The following RALGAPA1 variants were observed in gnomAD, a reference collection of about 807,000 sequenced individuals.
RALGAPA1 encodes ral GTPase-activating protein subunit alpha-1.
RALGAPA1 carries 52 observed loss-of-function variants against 269.6 expected under a neutral mutation model. That is an observed-to-expected ratio of 0.19 (90% CI 0.15 to 0.24). The LOEUF (loss-of-function observed/expected upper bound fraction) is 0.24, where lower values mean the gene tolerates loss of function less well. Ranked by LOEUF, RALGAPA1 falls within the 10% of genes least tolerant of loss-of-function variation. The pLI is 1.00. For missense variants in RALGAPA1, 1,917 were observed against 3,013.9 expected (o/e 0.64, Z 8.52); for synonymous variants, 817 against 1,008.3 (o/e 0.81, Z 3.60).
At chr14:35,705,022 G>A (rs2067678770) in intron 16 of RALGAPA1, among the ~76,000 whole-genome samples, 1 of 152,016 alleles carries the variant, frequency 6.6e-6, no homozygotes, top group Non-Finnish European at 1.5e-5. Flanking sequence ...TTTCAAAACA[G>A]TTTTAGGTTT....
Position 35,748,596 on chromosome 14 carries a change from T to G in RALGAPA1, c.1240A>C (p.Ile414Leu). The change falls in exon 10 of 42, where the codon ATA becomes CTA. Residue 414 changes from isoleucine (I) to leucine (L), a missense_variant. Physicochemically the swap from Ile to Leu is conservative, Grantham distance 5 (BLOSUM62 2). This residue lies in a region of RALGAPA1 where 462 missense variants were observed against 725.6 expected (regional missense o/e 0.64). Coordinates refer to ENST00000680220, the MANE Select transcript of RALGAPA1 (RefSeq NM_001346249.2). ...KRSNVNFVTE[I>L]FRQAFLLPIC... ...GAGAGGTATGTTACCTGACGAAATA[T>G]CTCTGTCACAAAGTTTACATTACTC... 6.2e-7 allele frequency: 1 copy of G among 1,607,370 alleles called. No homozygotes were observed. The highest frequency in any genetic ancestry group is 1.1e-5 in the South Asian group (1 of 90,014).
chr14:35,692,810 T>C (rs534434186), intron 17 of RALGAPA1, among the ~76,000 whole-genome samples: 16 of 152,064 alleles, frequency 1.1e-4, no homozygotes, highest in African/African-American at 3.8e-4. Flanking sequence ...TTGAGCATAA[T>C]TGACTCTAAT....
At chr14:35,633,197 T>C (rs954489176) in intron 33 of RALGAPA1, among the ~76,000 whole-genome samples, 1 of 152,192 alleles carries the variant, frequency 6.6e-6, no homozygotes, top group Non-Finnish European at 1.5e-5. Context: ...CATACTATAT[T>C]GTCTTGAATA....
intron 39 of RALGAPA1, among the ~76,000 whole-genome samples, chr14:35,557,383 TAATTA>T (rs1170287749): frequency 6.6e-6 from 1 of 151,938 alleles, no homozygotes; most frequent in Non-Finnish European, 1.5e-5. Context: ...TGCACTAATT[TAATTA>T]AGATTTTATT....
chr14:35,675,425 C>T (rs2064856061), intron 22 of RALGAPA1, among the ~76,000 whole-genome samples: 1 of 152,228 alleles, frequency 6.6e-6, no homozygotes, highest in South Asian at 2.1e-4. Flanking sequence ...ATCCGCCCAC[C>T]TTGGCCTCCC....
At chr14:35,570,541 A>T (rs1278408414) in intron 39 of RALGAPA1, 76 bp downstream of exon 39, 1 of 1,193,952 alleles carries the variant, frequency 8.4e-7, no homozygotes, top group Non-Finnish European at 1.1e-6. Flanking sequence ...AAAGGCTTTA[A>T]CAATATATAA....
intron 28 of RALGAPA1, among the ~76,000 whole-genome samples, chr14:35,658,819 G>A (rs1181871123): frequency 6.6e-6 from 1 of 151,320 alleles, no homozygotes; most frequent in African/African-American, 2.4e-5. Context: ...TGCATTTCAA[G>A]GTACTGCATA....
chr14:35,584,047 G>C (rs1332037724), intron 37 of RALGAPA1, among the ~76,000 whole-genome samples: 3 of 152,028 alleles, frequency 2.0e-5, no homozygotes, highest in African/African-American at 7.3e-5. Context: ...ATAAGTGAGG[G>C]TAAATTAAAA....
chr14:35,634,444 C>T (rs1424670579), intron 33 of RALGAPA1, 130 bp downstream of exon 33: 2 of 535,104 alleles, frequency 3.7e-6, no homozygotes, highest in Non-Finnish European at 6.1e-6. Context: ...TGAACTTGTG[C>T]TATACATACA....
chr14:35,758,391 A>G (rs1161846741), intron 6 of RALGAPA1, among the ~76,000 whole-genome samples: 2 of 151,822 alleles, frequency 1.3e-5, no homozygotes, highest in Non-Finnish European at 1.5e-5. Flanking sequence ...AGCTATAAAA[A>G]CCCCCTTAAA....
intron 39 of RALGAPA1, among the ~76,000 whole-genome samples, chr14:35,558,603 A>T (rs757390060): frequency 2.0e-5 from 3 of 152,206 alleles, no homozygotes; most frequent in African/African-American, 7.2e-5. Flanking sequence ...TAGTAGTTAC[A>T]TGCTAAATAA....
chr14:35,636,668 G>A (rs1244025435), intron 31 of RALGAPA1, among the ~76,000 whole-genome samples: 2 of 152,096 alleles, frequency 1.3e-5, no homozygotes, highest in Non-Finnish European at 2.9e-5. Flanking sequence ...TTACAGGCAT[G>A]TGCCACTGTG....
chr14:35,624,400 G>T (rs745624903), intron 35 of RALGAPA1, among the ~76,000 whole-genome samples: 1 of 151,900 alleles, frequency 6.6e-6, no homozygotes, highest in Non-Finnish European at 1.5e-5. Flanking sequence ...TAAAAGGAAT[G>T]AGAGATCTGG....
chr14:35,672,968 T>C lies in RALGAPA1; in HGVS notation c.4972A>G (p.Ile1658Val). 2 of 1,570,286 alleles carry C rather than the reference T, an allele frequency of 1.3e-6. No individual in the cohort carries two copies. Among genetic ancestry groups the C allele is most frequent in the Non-Finnish European group, 1.7e-6 (2 of 1,157,766 alleles). Residue 1658 changes from isoleucine to valine, a missense_variant, in exon 25 of 42, where the codon ATT (isoleucine) becomes GTT (valine). Physicochemically the swap from Ile to Val is conservative, Grantham distance 29. Coordinates refer to ENST00000680220, the MANE Select transcript of RALGAPA1 (RefSeq NM_001346249.2). ...TGTCTTCTTTTCATTGTATTACAAA[T>C]AAGTTTATATGCATGTAATTTACCT... ...KQGKLHAYKL[I>V]CNTMKRRQDV...
chr14:35,702,095 G>A (rs1041081695), intron 16 of RALGAPA1, among the ~76,000 whole-genome samples: 1 of 152,022 alleles, frequency 6.6e-6, no homozygotes, highest in Non-Finnish European at 1.5e-5. Context: ...TCAACTTTTC[G>A]AATGCAAGAA....
chr14:35,589,318 A>C (rs1381089255), intron 37 of RALGAPA1, among the ~76,000 whole-genome samples: 7 of 152,214 alleles, frequency 4.6e-5, no homozygotes, highest in Non-Finnish European at 8.8e-5. Flanking sequence ...AGGAGGAATG[A>C]GTTAAAGAGA....
chr14:35,667,330 G>A (rs889395769), intron 26 of RALGAPA1, among the ~76,000 whole-genome samples: 16 of 152,202 alleles, frequency 1.1e-4, no homozygotes, highest in Admixed American at 5.9e-4. Context: ...CCCGGGAGGC[G>A]GAAGTTACAG....
chr14:35,748,025 C>T (rs969384900), intron 10 of RALGAPA1, among the ~76,000 whole-genome samples: 7 of 151,768 alleles, frequency 4.6e-5, no homozygotes, highest in African/African-American at 1.5e-4. Context: ...TATCATAAAC[C>T]ATTTACTGAT....
At chr14:35,654,275 A>T (rs961891586) in intron 30 of RALGAPA1, 92 bp downstream of exon 30, 3 of 1,328,202 alleles carry the variant, frequency 2.3e-6, no homozygotes, top group South Asian at 1.8e-5. Context: ...ATGCAAAAAA[A>T]TTTTAAAACT....
Sources: gnomAD v4.1 joint callset for allele counts (sites outside exome capture counted in the v4.1 genomes callset) on GRCh38, gnomAD v4.1.1 for gene constraint, gnomAD v4.1.1 regional missense constraint, MANE v1.5 for transcripts, NCBI Gene and HGNC (gene_info 2026-07-23, HGNC 2026-07-21) for gene names.